Variants in CTNNA3 observed in about 807,000 individuals in gnomAD.
The protein encoded by CTNNA3 is catenin alpha-3.
A neutral mutation model predicts 95.7 loss-of-function variants in CTNNA3; 76 were observed. The observed-to-expected ratio is 0.79, with a 90% CI of 0.66 to 0.96. The LOEUF (loss-of-function observed/expected upper bound fraction) is 0.96. Among genes scored for constraint, CTNNA3 ranks in the 40% least tolerant of loss-of-function variants. CTNNA3 has a pLI of 0.00. For missense variants in CTNNA3, 1,191 were observed against 1,089.8 expected (o/e 1.09, Z -1.31); for synonymous variants, 431 against 374.4 (o/e 1.15, Z -1.74).
intron 12 of CTNNA3, among the ~76,000 whole-genome samples, chr10:66,329,797 TTA>T: frequency 6.6e-6 from 1 of 152,196 alleles, no homozygotes; most frequent in African/African-American, 2.4e-5. Flanking sequence ...CAAAGAAACT[TTA>T]TTTACTTTAT....
intron 13 of CTNNA3, among the ~76,000 whole-genome samples, chr10:66,224,662 T>C (rs929919462): frequency 3.2e-4 from 48 of 152,170 alleles, no homozygotes; most frequent in Admixed American, 3.1e-3. Context: ...CATTAACTAA[T>C]AGGCTTCCTT....
chr10:67,726,646 A>G (rs1444727246), intron 1 of CTNNA3, among the ~76,000 whole-genome samples: 1 of 3,300 alleles, frequency 3.0e-4, no homozygotes, highest in East Asian at 8.6e-3. Context: ...TATAATATAT[A>G]CTATAATATA....
At chr10:66,864,877 A>C (rs1455509066) in intron 7 of CTNNA3, among the ~76,000 whole-genome samples, 1 of 152,126 alleles carries the variant, frequency 6.6e-6, no homozygotes, top group Non-Finnish European at 1.5e-5. Context: ...ATGAAAATGC[A>C]ATATAAAATG....
At chr10:65,949,208 G>A (rs776292160) in intron 17 of CTNNA3, among the ~76,000 whole-genome samples, 36 of 152,138 alleles carry the variant, frequency 2.4e-4, no homozygotes, top group Non-Finnish European at 4.9e-4. Context: ...ATAAATATAT[G>A]TTAGCATGGA....
intron 1 of CTNNA3, among the ~76,000 whole-genome samples, chr10:67,657,182 G>A (rs1840048736): frequency 6.6e-6 from 1 of 152,162 alleles, no homozygotes; most frequent in Non-Finnish European, 1.5e-5. Context: ...TGGAGCAACT[G>A]GAAGGATAGA....
chr10:67,067,932 CAG>C (rs1856193605), intron 7 of CTNNA3, among the ~76,000 whole-genome samples: 1 of 152,150 alleles, frequency 6.6e-6, no homozygotes. Context: ...TTCAATCTGG[CAG>C]GTTGGGTAAA....
At chr10:66,501,579 G>A (rs1840277726) in intron 11 of CTNNA3, among the ~76,000 whole-genome samples, 1 of 152,118 alleles carries the variant, frequency 6.6e-6, no homozygotes, top group Non-Finnish European at 1.5e-5. Context: ...CAACACGAAA[G>A]TGTTCACTGG....
intron 10 of CTNNA3, among the ~76,000 whole-genome samples, chr10:66,571,597 C>T (rs1042261866): frequency 6.6e-6 from 1 of 152,090 alleles, no homozygotes; most frequent in Non-Finnish European, 1.5e-5. Context: ...CACCCTAAGT[C>T]TTTTGGGTTC....
chr10:66,158,187 T>C (rs922235425), intron 13 of CTNNA3, among the ~76,000 whole-genome samples: 3 of 152,190 alleles, frequency 2.0e-5, no homozygotes, highest in Non-Finnish European at 1.5e-5. Flanking sequence ...GCTATTTATC[T>C]TTGTTTTTAC....
At chr10:67,478,743 G>A (rs916564744) in intron 5 of CTNNA3, among the ~76,000 whole-genome samples, 1 of 151,586 alleles carries the variant, frequency 6.6e-6, no homozygotes, top group Non-Finnish European at 1.5e-5. Flanking sequence ...AAACAGCCAG[G>A]TAACAACTTT....
chr10:66,447,971 A>C (rs1032980859), intron 11 of CTNNA3, among the ~76,000 whole-genome samples: 7 of 152,208 alleles, frequency 4.6e-5, no homozygotes, highest in Non-Finnish European at 8.8e-5. Context: ...AACTCAAACA[A>C]ATTTACAAGA....
chr10:66,604,545 C>T (rs1311544389), intron 10 of CTNNA3, among the ~76,000 whole-genome samples: 1 of 152,130 alleles, frequency 6.6e-6, no homozygotes, highest in East Asian at 1.9e-4. Flanking sequence ...GCTGACACCA[C>T]CCATCAGAGA....
intron 5 of CTNNA3, among the ~76,000 whole-genome samples, chr10:67,497,748 T>C (rs1839074483): frequency 1.3e-5 from 2 of 152,220 alleles, no homozygotes; most frequent in Non-Finnish European, 2.9e-5. Flanking sequence ...GAAATATCTG[T>C]TCATATCCTT....
At chr10:67,423,299 T>G (rs72806670) in intron 5 of CTNNA3, among the ~76,000 whole-genome samples, 57 of 152,168 alleles carry the variant, frequency 3.7e-4, no homozygotes, top group Non-Finnish European at 7.6e-4. Context: ...GCACACAACC[T>G]CAATTGACCA....
At chr10:67,700,679 A>C (rs1210343388), upstream of CTNNA3, among the ~76,000 whole-genome samples, 1 of 152,142 alleles carries the variant, frequency 6.6e-6, no homozygotes, top group Non-Finnish European at 1.5e-5. Context: ...ATGGGGAAAA[A>C]ACAGAGCAGA....
At chr10:66,899,133 G>T (rs1015254802) in intron 7 of CTNNA3, among the ~76,000 whole-genome samples, 10 of 152,162 alleles carry the variant, frequency 6.6e-5, no homozygotes, top group African/African-American at 2.4e-4. Flanking sequence ...TAACTATAAG[G>T]GAAATGCAAA....
intron 1 of CTNNA3, among the ~76,000 whole-genome samples, chr10:67,740,738 G>A (rs1841332198): frequency 6.6e-6 from 1 of 151,394 alleles, no homozygotes; most frequent in Admixed American, 6.6e-5. Context: ...AACCATTGTG[G>A]AAGACAGTGT....
chr10:66,412,520 G>C (rs527775911), intron 11 of CTNNA3, among the ~76,000 whole-genome samples: 3 of 149,030 alleles, frequency 2.0e-5, no homozygotes, highest in Non-Finnish European at 4.4e-5. Flanking sequence ...GAGTGCAGTG[G>C]CATGATCTCG....
chr10:66,420,031 A>G (rs990368135), intron 11 of CTNNA3, among the ~76,000 whole-genome samples: 1 of 152,206 alleles, frequency 6.6e-6, no homozygotes, highest in Admixed American at 6.5e-5. Context: ...ACAAAAATAG[A>G]CAAATGAGAC....
Sources: gnomAD v4.1 joint callset for allele counts (sites outside exome capture counted in the v4.1 genomes callset) on GRCh38, gnomAD v4.1.1 for gene constraint, MANE v1.5 for transcripts, NCBI Gene and HGNC (gene_info 2026-07-23, HGNC 2026-07-21) for gene names.